The following STK32C variants were observed in gnomAD, a reference collection of about 807,000 sequenced individuals.
STK32C encodes the protein serine/threonine-protein kinase 32C.
In STK32C, 31 loss-of-function variants were observed where a neutral mutation model predicts 56.5. The observed-to-expected ratio is 0.55, with a 90% CI of 0.41 to 0.74. STK32C has a LOEUF of 0.74. Among genes scored for constraint, STK32C ranks in the 30% least tolerant of loss-of-function variants. The pLI, the probability that STK32C is intolerant of heterozygous loss-of-function variation, is 0.00. For synonymous variants in STK32C, 309 were observed against 289.4 expected (o/e 1.07, Z -0.69); for missense variants, 544 against 676.9 (o/e 0.80, Z 2.18).
At chr10:132,322,276 TGA>T (rs2138466405), downstream of STK32C, among the ~76,000 whole-genome samples, 1 of 152,358 alleles carries the variant, frequency 6.6e-6, no homozygotes, top group East Asian at 1.9e-4. Context: ...TTTTCCCTAT[TGA>T]ATCATAGGAA....
chr10:132,282,931 A>G (rs2065260646), intron 1 of STK32C, among the ~76,000 whole-genome samples: 1 of 152,230 alleles, frequency 6.6e-6, no homozygotes, highest in Non-Finnish European at 1.5e-5. Context: ...TTCCTGTCAC[A>G]GCCCCTCTGA....
chr10:132,253,859 G>A (rs1023682239), intron 1 of STK32C, among the ~76,000 whole-genome samples: 15 of 152,232 alleles, frequency 9.9e-5, no homozygotes, highest in Admixed American at 6.5e-4. Flanking sequence ...CTGCCCTCCC[G>A]TGTGCCTGGC....
chr10:132,279,654 C>T (rs1564771348), intron 1 of STK32C, among the ~76,000 whole-genome samples: 1 of 150,280 alleles, frequency 6.7e-6, no homozygotes, highest in Admixed American at 6.6e-5. Flanking sequence ...CATGCCACTC[C>T]TCCATGATCA....
chr10:132,316,017 G>T (rs770023936), intron 1 of STK32C, among the ~76,000 whole-genome samples: 10 of 152,104 alleles, frequency 6.6e-5, no homozygotes, highest in Non-Finnish European at 1.5e-4. Flanking sequence ...CTAATAAAAT[G>T]TATGAGATGC....
intron 2 of STK32C, among the ~76,000 whole-genome samples, chr10:132,233,455 T>G (rs2137793639): frequency 6.6e-6 from 1 of 152,328 alleles, no homozygotes; most frequent in South Asian, 2.1e-4. Context: ...GAATCCGTTT[T>G]GGGGTTTCAG....
chr10:132,321,825 G>A (rs146434660), downstream of STK32C, among the ~76,000 whole-genome samples: 1,366 of 152,286 alleles, frequency 9.0e-3, 7 homozygotes, highest in Middle Eastern at 0.02. Flanking sequence ...ACGTATTTGT[G>A]CTTTCTCCCG....
At position 132,224,562 on chromosome 10, in the gene STK32C, C is replaced by T. The variant is rs765414370; in HGVS notation, c.877-39G>A. 12 of 1,463,474 alleles carry T rather than the reference C, an allele frequency of 8.2e-6. 1 individual carries two copies. Among genetic ancestry groups the T allele is most frequent in the South Asian group, 3.6e-5 (3 of 83,838 alleles). 90.7% of individuals were successfully genotyped at this position (1,463,474 alleles called of 1,614,324 possible). A position where few individuals can be genotyped will look rare whatever the true frequency, so the allele number is the denominator to read the frequency against. On this transcript the variant is annotated intron_variant, in intron 7 of 11. Transcript: ENST00000298630. ...GGCAGTGCTGGGCAGGTCCTCCTGGCCCCCAGGACACCCAGAACAATGCCA... is the reference window on the plus strand; with the variant it reads ...GGCAGTGCTGGGCAGGTCCTCCTGGTCCCCAGGACACCCAGAACAATGCCA...
At chr10:132,254,593 A>C (rs1309330819) in intron 1 of STK32C, among the ~76,000 whole-genome samples, 2 of 43,582 alleles carry the variant, frequency 4.6e-5, no homozygotes, top group Non-Finnish European at 7.9e-5. Context: ...ACCCTCCACG[A>C]AGGCTGCCCC....
chr10:132,243,560 G>A (rs969507332), intron 2 of STK32C, among the ~76,000 whole-genome samples: 1 of 152,186 alleles, frequency 6.6e-6, no homozygotes, highest in Non-Finnish European at 1.5e-5. Flanking sequence ...ACTTTCAGCC[G>A]GACAGAACCG....
intron 1 of STK32C, among the ~76,000 whole-genome samples, chr10:132,288,472 C>T (rs534316305): frequency 6.6e-6 from 1 of 152,232 alleles, no homozygotes; most frequent in African/African-American, 2.4e-5. Flanking sequence ...CAGCCCAGAG[C>T]TGGACTTCCT....
chr10:132,241,450 G>A (rs760921063), intron 2 of STK32C, among the ~76,000 whole-genome samples: 15 of 152,204 alleles, frequency 9.9e-5, no homozygotes, highest in South Asian at 4.1e-4. Flanking sequence ...TATCATCAAC[G>A]GAACAAAATG....
At chr10:132,225,192 G>C in intron 7 of STK32C, 41 bp downstream of exon 7, 1 of 1,522,154 alleles carries the variant, frequency 6.6e-7, no homozygotes. Context: ...CAGAGAGCAG[G>C]GGCCTGGCAG....
At chr10:132,297,339 G>T (rs1037643717) in intron 1 of STK32C, among the ~76,000 whole-genome samples, 1 of 152,118 alleles carries the variant, frequency 6.6e-6, no homozygotes, top group Non-Finnish European at 1.5e-5. Flanking sequence ...AGCAGACCCC[G>T]AAGATCCACC....
intron 1 of STK32C, among the ~76,000 whole-genome samples, chr10:132,275,965 T>C (rs2064984041): frequency 6.6e-6 from 1 of 152,100 alleles, no homozygotes; most frequent in Non-Finnish European, 1.5e-5. Flanking sequence ...GGTGGCTGCC[T>C]TCCACCCTGG....
chr10:132,214,872 T>A, intron 10 of STK32C, among the ~76,000 whole-genome samples: 1 of 152,082 alleles, frequency 6.6e-6, no homozygotes, highest in Non-Finnish European at 1.5e-5. Context: ...AAAAGAAGTA[T>A]AATTAACAGG....
chr10:132,263,072 C>A (rs983252222), intron 1 of STK32C, among the ~76,000 whole-genome samples: 1 of 152,204 alleles, frequency 6.6e-6, no homozygotes, highest in African/African-American at 2.4e-5. Context: ...ACCATTTGAT[C>A]CAGCAATCCC....
At chr10:132,253,476 A>G (rs2063983781) in intron 1 of STK32C, among the ~76,000 whole-genome samples, 1 of 123,268 alleles carries the variant, frequency 8.1e-6, no homozygotes, top group African/African-American at 3.4e-5. Context: ...AGCTGGAGGG[A>G]GTCGAGGGAG....
At chr10:132,301,824 C>A (rs2065918654) in intron 1 of STK32C, among the ~76,000 whole-genome samples, 1 of 152,234 alleles carries the variant, frequency 6.6e-6, no homozygotes, top group African/African-American at 2.4e-5. Flanking sequence ...GACTGGCAAC[C>A]CCGTGGTACA....
chr10:132,328,327 C>T lies in STK32C; in HGVS notation c.301+3109G>A, dbSNP rs1215441271. 2.6e-5 allele frequency among the ~76,000 whole-genome samples: 4 copies of T among 151,708 alleles called. No individual in the cohort carries two copies. The East Asian group carries it at 5.8e-4, about 22-fold the overall frequency. ...GCTCCTGGGTGGGTGCCCGAACTGC[C>T]GGAGCGAGATTACAGGTCTGGGTGG... On this transcript the variant is annotated intron_variant, in intron 1 of 1. Coordinates refer to the STK32C transcript ENST00000368619.
Sources: allele counts gnomAD v4.1 joint callset (sites outside exome capture counted in the v4.1 genomes callset), GRCh38; gene constraint gnomAD v4.1.1; transcripts MANE v1.5; gene names NCBI Gene and HGNC (gene_info 2026-07-23, HGNC 2026-07-21).